Variants in ABLIM1 observed in about 807,000 individuals in gnomAD.
ABLIM1 encodes actin-binding LIM protein 1.
Under a neutral mutation model 107.0 loss-of-function variants are expected in ABLIM1, and 40 were observed. The ratio of observed to expected loss-of-function variants is 0.37; its 90% CI spans 0.29 to 0.49. The LOEUF is 0.49. Among genes scored for constraint, ABLIM1 ranks in the 20% least tolerant of loss-of-function variants. The pLI, the probability that ABLIM1 is intolerant of heterozygous loss-of-function variation, is 0.97. For missense variants in ABLIM1, 857 were observed against 1,008.5 expected (o/e 0.85, Z 2.04); for synonymous variants, 357 against 357.3 (o/e 1.00, Z 0.01).
intron 6 of ABLIM1, among the ~76,000 whole-genome samples, chr10:114,505,338 G>T (rs1232261307): frequency 6.6e-6 from 1 of 152,162 alleles, no homozygotes; most frequent in East Asian, 1.9e-4. Flanking sequence ...TTTGTCTCTT[G>T]TGCAAGGGCA....
intron 1 of ABLIM1, among the ~76,000 whole-genome samples, chr10:114,741,032 CAAAAA>C (rs1184076703): frequency 7.6e-6 from 1 of 131,096 alleles, no homozygotes; most frequent in East Asian, 2.2e-4. Context: ...GATCCTGTCT[CAAAAA>C]AAAAAAAGAA....
chr10:114,644,156 C>G (rs1390386911), intron 1 of ABLIM1, among the ~76,000 whole-genome samples: 1 of 149,084 alleles, frequency 6.7e-6, no homozygotes, highest in African/African-American at 2.5e-5. Flanking sequence ...TGGCGGGCAC[C>G]TGTAGTCCCA....
intron 6 of ABLIM1, among the ~76,000 whole-genome samples, chr10:114,539,300 G>T (rs1217623314): frequency 2.0e-5 from 3 of 152,186 alleles, no homozygotes; most frequent in Non-Finnish European, 4.4e-5. Context: ...GGGGGGTGCA[G>T]TGAGCTGAGA....
At chr10:114,679,649 A>AAG (rs1397481133) in intron 1 of ABLIM1, among the ~76,000 whole-genome samples, 1 of 151,890 alleles carries the variant, frequency 6.6e-6, no homozygotes, top group Non-Finnish European at 1.5e-5. Context: ...AAAAAAAAAA[A>AAG]AAAAGAAATA....
At position 114,453,622 on chromosome 10, in the gene ABLIM1, A is replaced by G. The variant is rs567874547; in HGVS notation, c.1442-139T>C. ...AGGAGAAACAAAAGAAACAAACTCA[A>G]TTTATCAACTTGACTTGCAAAGGTG... On this transcript the variant is annotated intron_variant, in intron 12 of 22. Coordinates refer to ENST00000533213, the MANE Select transcript of ABLIM1 (RefSeq NM_002313.7). 53 of 732,262 alleles carry G rather than the reference A, an allele frequency of 7.2e-5. No homozygotes were observed. The African/African-American group carries it at 8.2e-4, about 11-fold the overall frequency. 45.4% of individuals were successfully genotyped at this position (732,262 alleles called of 1,614,324 possible).
At chr10:114,799,202 C>T in the ABLIM1 span, among the ~76,000 whole-genome samples, 1 of 152,204 alleles carries the variant, frequency 6.6e-6, no homozygotes, top group Admixed American at 6.5e-5. Context: ...CCTATGCTGG[C>T]ATCTCTGCCA....
chr10:114,667,712 C>G (rs4447090), intron 1 of ABLIM1, among the ~76,000 whole-genome samples: 1 of 152,118 alleles, frequency 6.6e-6, no homozygotes, highest in Non-Finnish European at 1.5e-5. Flanking sequence ...CCACTGTTCC[C>G]ATTTCTATCA....
intron 1 of ABLIM1, chr10:114,613,761 C>G (rs755981453): frequency 8.1e-5 from 105 of 1,301,646 alleles, no homozygotes; most frequent in Non-Finnish European, 1.1e-4. Flanking sequence ...GCTACACATT[C>G]TAGAACTACT....
rs2058913154 is a variant in ABLIM1 at position 114,432,069 on chromosome 10, G to T, written c.*4191C>A. On this transcript the variant is annotated 3_prime_UTR_variant, in exon 23 of 23. Transcript: ENST00000533213. ...CCCTTAAAGTACATCATTGCTATAA[G>T]TTGGTATCACTGCAAATCTCAAGTC... is the stretch of plus-strand genomic sequence containing the variant. 1 of 152,162 alleles carries T rather than the reference G, an allele frequency of 6.6e-6. No individual in the cohort carries two copies. The highest frequency in any genetic ancestry group is 6.5e-5 in the Admixed American group (1 of 15,282). The allele number at this position is 152,162 out of a possible 1,614,324, so 9.4% of individuals were successfully genotyped here. A position where few individuals can be genotyped will look rare whatever the true frequency, so the allele number is the denominator to read the frequency against.
chr10:114,462,109 C>T (rs970582001), intron 12 of ABLIM1, among the ~76,000 whole-genome samples: 3 of 152,112 alleles, frequency 2.0e-5, no homozygotes, highest in African/African-American at 4.8e-5. Flanking sequence ...GAAAAAGCTT[C>T]GGTAGACTGA....
upstream of ABLIM1, among the ~76,000 whole-genome samples, chr10:114,685,711 G>A (rs187299918): frequency 2.6e-5 from 4 of 152,340 alleles, no homozygotes; most frequent in East Asian, 7.7e-4. Flanking sequence ...TCATGTGTCA[G>A]CTGCTGCCAA....
At chr10:114,687,249 T>C (rs566182664), upstream of ABLIM1, among the ~76,000 whole-genome samples, 1 of 152,314 alleles carries the variant, frequency 6.6e-6, no homozygotes, top group African/African-American at 2.4e-5. Flanking sequence ...CCTGAATTTA[T>C]TCAACCAGAG....
upstream of ABLIM1, among the ~76,000 whole-genome samples, chr10:114,662,010 T>G (rs2079816187): frequency 6.6e-6 from 1 of 152,196 alleles, no homozygotes; most frequent in Non-Finnish European, 1.5e-5. Flanking sequence ...CAAATGAACA[T>G]GGACTTTATT....
At chr10:114,491,006 G>GTATATA (rs759409911) in intron 7 of ABLIM1, among the ~76,000 whole-genome samples, 738 of 59,176 alleles carry the variant, frequency 0.012, 10 homozygotes, top group African/African-American at 0.066. Flanking sequence ...GTGTGTGTGT[G>GTATATA]TGTGTGTATA....
chr10:114,721,671 G>A (rs1214173871), intron 1 of ABLIM1, among the ~76,000 whole-genome samples: 3 of 151,960 alleles, frequency 2.0e-5, no homozygotes, highest in Non-Finnish European at 2.9e-5. Flanking sequence ...TAGTAGAGAC[G>A]GGGTTTCACC....
chr10:114,541,178 C>T (rs1370712668), intron 6 of ABLIM1, among the ~76,000 whole-genome samples: 1 of 151,984 alleles, frequency 6.6e-6, no homozygotes, highest in African/African-American at 2.4e-5. Context: ...AGGCCCTTCA[C>T]TAGAGCCTTC....
chr10:114,658,225 A>G lies in ABLIM1; in HGVS notation c.-25T>C. ...TCTTGGCATGGATTTCCAAGCAATGAGAAATGGGGAGTGGGGACCCAAGGA... is the reference window on the plus strand; with the variant it reads ...TCTTGGCATGGATTTCCAAGCAATGGGAAATGGGGAGTGGGGACCCAAGGA... On this transcript the variant is annotated 5_prime_UTR_variant, in exon 1 of 23. Coordinates refer to ENST00000533213, the MANE Select transcript of ABLIM1 (RefSeq NM_002313.7). 6.3e-7 allele frequency: 1 copy of G among 1,588,294 alleles called. No individual in the cohort carries two copies. Among genetic ancestry groups the G allele is most frequent in the East Asian group, 2.2e-5 (1 of 44,450 alleles).
In ABLIM1 at chr10:114,635,218, C is replaced by T. The variant is rs75697884; in HGVS notation, c.244+22739G>A. Among the ~76,000 whole-genome samples, 705 of 152,318 alleles carry T rather than the reference C, an allele frequency of 4.6e-3. 1 individual carries two copies. Among genetic ancestry groups the T allele is most frequent in the Non-Finnish European group, 7.7e-3 (527 of 68,022 alleles). ...CCTTCTCATTCACTTACACATAAAG[C>T]AAGGGTTGTCCACAAGTGACCAAAG... On this transcript the variant is annotated intron_variant, in intron 1 of 22. Transcript: ENST00000533213.
At position 114,629,336 on chromosome 10, in the gene ABLIM1, C is replaced by T. The variant is rs1460287765; in HGVS notation, c.245-27375G>A. Among the ~76,000 whole-genome samples, 2 of 152,212 alleles carry T rather than the reference C, an allele frequency of 1.3e-5. No individual in the cohort carries two copies. The highest frequency in any genetic ancestry group is 2.9e-5 in the Non-Finnish European group (2 of 68,044). On this transcript the variant is annotated intron_variant, in intron 1 of 22. Coordinates refer to ENST00000533213, the MANE Select transcript of ABLIM1 (RefSeq NM_002313.7). This position sits in a 1 kb window ranked among gnomAD's most constrained non-coding sequence, Gnocchi z 4.0. ...GGATGGACATTGCCAGGACCCGAGC[C>T]TCCTCGAGTTGATTCCTGACAGCTC...
Sources: allele counts gnomAD v4.1 joint callset (sites outside exome capture counted in the v4.1 genomes callset), GRCh38; gene constraint gnomAD v4.1.1; non-coding constraint Gnocchi (gnomAD v3.1); transcripts MANE v1.5; gene names NCBI Gene and HGNC (gene_info 2026-07-23, HGNC 2026-07-21).